The following RAB3D variants were observed in gnomAD, a reference collection of about 807,000 sequenced individuals.
RAB3D encodes RAB3D, member RAS oncogene family.
RAB3D carries 17 observed loss-of-function variants against 19.3 expected under a neutral mutation model. The observed-to-expected ratio is 0.88, with a 90% CI of 0.60 to 1.32. The LOEUF (loss-of-function observed/expected upper bound fraction) is 1.32. Ranked by LOEUF, RAB3D falls within the 40% of genes most tolerant of loss-of-function variation. RAB3D has a pLI of 0.00. For missense variants in RAB3D, 223 were observed against 299.1 expected (o/e 0.75, Z 1.88); for synonymous variants, 103 against 119.9 (o/e 0.86, Z 0.92).
chr19:11,325,358 C>G lies in RAB3D; in HGVS notation c.*40G>C. 8.9e-7 allele frequency: 1 copy of G among 1,117,514 alleles called. No homozygotes were observed. Among genetic ancestry groups the G allele is most frequent in the Non-Finnish European group, 1.2e-6 (1 of 864,236 alleles). The allele number at this position is 1,117,514 out of a possible 1,614,324, so 69.2% of individuals were successfully genotyped here. ...CTCACGCCTCGATCACAGTCCCTGC[C>G]GAGGCAGGAGAGGGGTGGGTGGGGG... On this transcript the variant is annotated 3_prime_UTR_variant, in exon 5 of 5. Transcript: ENST00000222120.
chr19:11,335,739 G>A lies in RAB3D; in HGVS notation c.273C>T (p.Tyr91=), dbSNP rs1405977915. The A allele has an allele frequency of 1.2e-6, 2 of 1,614,130 alleles. No homozygotes were observed. The highest frequency in any genetic ancestry group is 8.5e-7 in the Non-Finnish European group (1 of 1,180,052). The change falls in exon 3 of 5, where the codon TAC becomes TAT. Residue 91 remains tyrosine, a synonymous_variant. Coordinates refer to ENST00000222120, the MANE Select transcript of RAB3D (RefSeq NM_004283.4). ...QERYRTITTA[Y]YRGAMGFLLM... ...GCAGGAAGCCCATGGCTCCCCGGTA[G>A]TAGGCCGTGGTGATGGTGCGGTAGC...
At chr19:11,331,483 G>T (rs1053239114) in intron 4 of RAB3D, among the ~76,000 whole-genome samples, 2 of 151,544 alleles carry the variant, frequency 1.3e-5, no homozygotes, top group Non-Finnish European at 2.9e-5. Flanking sequence ...GAGGCAGGCC[G>T]ACTGCTTGAG....
chr19:11,325,683 C>T, intron 4 of RAB3D, 98 bp from the exon 5 acceptor site: 2 of 1,164,202 alleles, frequency 1.7e-6, no homozygotes, highest in Non-Finnish European at 2.4e-6. Context: ...TAGTTCTGCT[C>T]TTTATCCTGC....
chr19:11,331,128 C>CTAAA (rs1166221787), intron 4 of RAB3D, among the ~76,000 whole-genome samples: 2 of 151,768 alleles, frequency 1.3e-5, no homozygotes, highest in African/African-American at 4.8e-5. Flanking sequence ...CCCATCTCTA[C>CTAAA]TAAAGATACA....
intron 4 of RAB3D, among the ~76,000 whole-genome samples, chr19:11,334,768 T>C (rs1049721477): frequency 4.6e-5 from 7 of 151,732 alleles, no homozygotes; most frequent in South Asian, 4.1e-4. Flanking sequence ...ACTAAAAATA[T>C]AAAAAATTAG....
At chr19:11,332,820 A>C (rs901481661) in intron 4 of RAB3D, among the ~76,000 whole-genome samples, 4 of 151,936 alleles carry the variant, frequency 2.6e-5, no homozygotes, top group Non-Finnish European at 5.9e-5. Context: ...GGGACTATAA[A>C]AACCAACCAG....
intron 4 of RAB3D, among the ~76,000 whole-genome samples, chr19:11,330,424 G>T (rs2080831559): frequency 1.3e-5 from 2 of 152,186 alleles, no homozygotes; most frequent in South Asian, 4.1e-4. Flanking sequence ...CAACAAATAG[G>T]CATCAACTGA....
intron 4 of RAB3D, among the ~76,000 whole-genome samples, chr19:11,334,250 AT>A (rs778499180): frequency 9.2e-5 from 14 of 151,808 alleles, no homozygotes; most frequent in Admixed American, 2.0e-4. Context: ...AGGCAGGTGG[AT>A]CACCTGTCAG....
chr19:11,329,917 A>G (rs1440504375), intron 4 of RAB3D, among the ~76,000 whole-genome samples: 1 of 152,126 alleles, frequency 6.6e-6, no homozygotes, highest in Non-Finnish European at 1.5e-5. Context: ...CCTGACATCA[A>G]GTGATCTGCC....
At chr19:11,333,360 G>A (rs776923570) in intron 4 of RAB3D, among the ~76,000 whole-genome samples, 2 of 152,018 alleles carry the variant, frequency 1.3e-5, no homozygotes, top group Non-Finnish European at 2.9e-5. Context: ...GATTACAAGC[G>A]TGAGCCACTG....
At chr19:11,331,415 T>C (rs2080835381) in intron 4 of RAB3D, among the ~76,000 whole-genome samples, 1 of 151,090 alleles carries the variant, frequency 6.6e-6, no homozygotes, top group Non-Finnish European at 1.5e-5. Flanking sequence ...CACTTAAAAA[T>C]GTAAAAACCA....
At position 11,324,811 on chromosome 19, in the gene RAB3D, A is replaced by G. The variant is rs1401467434; in HGVS notation, c.*587T>C. 1 of 152,538 alleles carries G rather than the reference A, an allele frequency of 6.6e-6. No homozygotes were observed. The highest frequency in any genetic ancestry group is 6.6e-5 in the Admixed American group (1 of 15,262). The allele number at this position is 152,538 out of a possible 1,614,324, so 9.4% of individuals were successfully genotyped here. On this transcript the variant is annotated 3_prime_UTR_variant, in exon 5 of 5. Transcript: ENST00000222120. ...TTCTACAATGGGAAAAGGCTGCTTC[A>G]ATGCTGCTTTTCGCAAGTAGAGGGT...
chr19:11,329,758 T>G (rs2080829431), intron 4 of RAB3D, among the ~76,000 whole-genome samples: 2 of 150,092 alleles, frequency 1.3e-5, no homozygotes, highest in South Asian at 4.5e-4. Context: ...CTTGGCTCAT[T>G]GCAACCTCCG....
At chr19:11,326,108 G>C (rs1387353791) in intron 4 of RAB3D, among the ~76,000 whole-genome samples, 1 of 151,948 alleles carries the variant, frequency 6.6e-6, no homozygotes, top group African/African-American at 2.4e-5. Context: ...TGTAATCCCA[G>C]CTACTCGGGA....
At chr19:11,328,464 C>T (rs113783985) in intron 4 of RAB3D, among the ~76,000 whole-genome samples, 223 of 150,514 alleles carry the variant, frequency 1.5e-3, no homozygotes, top group Non-Finnish European at 2.8e-3. Context: ...AGGGCCAATA[C>T]GGTGAAACCC....
intron 4 of RAB3D, among the ~76,000 whole-genome samples, chr19:11,327,826 T>C (rs548772459): frequency 2.0e-5 from 3 of 152,140 alleles, no homozygotes; most frequent in East Asian, 3.9e-4. Context: ...GGAGACCCTG[T>C]CTCTAAAACA....
chr19:11,327,671 T>C (rs977420078), intron 4 of RAB3D, among the ~76,000 whole-genome samples: 3 of 152,048 alleles, frequency 2.0e-5, no homozygotes, highest in Admixed American at 1.3e-4. Flanking sequence ...AGTGCTGGGA[T>C]TACAGGCATG....
At chr19:11,335,342 C>A in intron 4 of RAB3D, 105 bp downstream of exon 4, 1 of 1,498,784 alleles carries the variant, frequency 6.7e-7, no homozygotes, top group Non-Finnish European at 9.0e-7. Context: ...TCTTCCTGGG[C>A]AGATCCTCAA....
rs1026782146 is a variant in RAB3D at position 11,323,718 on chromosome 19, G to A, written c.*1680C>T. On this transcript the variant is annotated 3_prime_UTR_variant, in exon 5 of 5. Transcript: ENST00000222120. ...GGCTTTCCCCCTCACACATACCCCA[G>A]GGAAGAGGCTGAGCTCATGAAAGCT... is the stretch of plus-strand genomic sequence containing the variant. The A allele has an allele frequency of 6.6e-6, 1 of 152,252 alleles. No individual in the cohort carries two copies. Among genetic ancestry groups the A allele is most frequent in the Non-Finnish European group, 1.5e-5 (1 of 68,104 alleles). 9.4% of individuals were successfully genotyped at this position (152,252 alleles called of 1,614,324 possible).
Sources: gnomAD v4.1 joint callset for allele counts (sites outside exome capture counted in the v4.1 genomes callset) on GRCh38, gnomAD v4.1.1 for gene constraint, MANE v1.5 for transcripts, NCBI Gene and HGNC (gene_info 2026-07-23, HGNC 2026-07-21) for gene names.